Variants in GRK4 observed in about 807,000 individuals in gnomAD.
GRK4 encodes the protein G protein-coupled receptor kinase 4, also known as G protein-coupled receptor kinase 2-like.
GRK4 carries 73 observed loss-of-function variants against 77.9 expected under a neutral mutation model. The ratio of observed to expected loss-of-function variants is 0.94; its 90% confidence interval spans 0.78 to 1.14. The LOEUF is 1.14. Ranked by LOEUF, GRK4 falls within the 50% of genes most tolerant of loss-of-function variation. The pLI is 0.00. For missense variants in GRK4, 729 were observed against 700.2 expected (o/e 1.04, Z -0.46); for synonymous variants, 257 against 254.4 (o/e 1.01, Z -0.10).
chr4:2,970,656 CAA>C (rs929303208), intron 1 of GRK4, among the ~76,000 whole-genome samples: 28 of 120,064 alleles, frequency 2.3e-4, no homozygotes, highest in African/African-American at 4.9e-4. Context: ...GACTCCATCT[CAA>C]AAAAAAAAAA....
chr4:3,020,396 TAAG>T (rs889810043), intron 9 of GRK4, among the ~76,000 whole-genome samples: 1 of 152,202 alleles, frequency 6.6e-6, no homozygotes, highest in African/African-American at 2.4e-5. Context: ...CATGTAAGCA[TAAG>T]AAGAGCCCAT....
At chr4:3,037,275 G>A in intron 13 of GRK4, 99 bp from the exon 14 acceptor site, 1 of 1,213,312 alleles carries the variant, frequency 8.2e-7, no homozygotes, top group African/African-American at 1.5e-5. Flanking sequence ...GAGTGGCGGT[G>A]TTTATGCGTC....
At chr4:3,001,779 T>C (rs1035356898) in intron 4 of GRK4, among the ~76,000 whole-genome samples, 1 of 152,266 alleles carries the variant, frequency 6.6e-6, no homozygotes, top group African/African-American at 2.4e-5. Context: ...GTTTTCTTAT[T>C]GTTTACTATC....
intron 7 of GRK4, among the ~76,000 whole-genome samples, chr4:3,013,038 G>T (rs1733353507): frequency 6.6e-6 from 1 of 151,314 alleles, no homozygotes; most frequent in East Asian, 2.0e-4. Flanking sequence ...CCAGCTACTT[G>T]GGAGGCTGAG....
chr4:2,988,718 T>G lies in GRK4; in HGVS notation c.149-9T>G, dbSNP rs763232692. ...ATTTGTTTGCTTCTTATCCCTTTGC[T>G]TCACCCAGAAAAGGATTATAGCAGT... On this transcript the variant is annotated splice_polypyrimidine_tract_variant and intron_variant, in intron 2 of 15. Coordinates refer to ENST00000398052, the MANE Select transcript of GRK4 (RefSeq NM_182982.3). The G allele has an allele frequency of 6.6e-7, 1 of 1,511,736 alleles. No homozygotes were observed. The highest frequency in any genetic ancestry group is 1.1e-5 in the South Asian group (1 of 89,400). 93.6% of individuals were successfully genotyped at this position (1,511,736 alleles called of 1,614,324 possible).
chr4:3,025,573 T>C (rs1227808014), intron 10 of GRK4, among the ~76,000 whole-genome samples: 2 of 151,566 alleles, frequency 1.3e-5, no homozygotes, highest in Non-Finnish European at 2.9e-5. Flanking sequence ...ATATTTTTTT[T>C]AGTAGAGACG....
chr4:3,033,421 A>G lies in GRK4; in HGVS notation c.1270-1965A>G, dbSNP rs374964143. ...ACTATTGCATTGGGGATTAAGTTTC[A>G]GCTTACAGATTTGTGGGGGATACAC... On this transcript the variant is annotated intron_variant, in intron 12 of 15. Coordinates refer to ENST00000398052, the MANE Select transcript of GRK4 (RefSeq NM_182982.3). 2.6e-4 allele frequency among the ~76,000 whole-genome samples: 40 copies of G among 152,212 alleles called. No homozygotes were observed. The East Asian group carries it at 6.4e-3, about 24-fold the overall frequency.
intron 12 of GRK4, among the ~76,000 whole-genome samples, chr4:3,034,487 G>C (rs6812304): frequency 0.046 from 6,970 of 152,246 alleles, 260 homozygotes; most frequent in African/African-American, 0.092. Context: ...CTGGACTGTG[G>C]TTTCCCAAGC....
intron 1 of GRK4, among the ~76,000 whole-genome samples, chr4:2,979,724 C>A (rs970509035): frequency 7.2e-5 from 11 of 151,922 alleles, no homozygotes; most frequent in Non-Finnish European, 1.3e-4. Context: ...CCTACCCCCC[C>A]AAAAAAAATC....
intron 4 of GRK4, among the ~76,000 whole-genome samples, chr4:2,997,023 AG>A: frequency 6.6e-6 from 1 of 152,168 alleles, no homozygotes; most frequent in Non-Finnish European, 1.5e-5. Flanking sequence ...AGTTGAAAAA[AG>A]AGAACTCCTT....
intron 1 of GRK4, among the ~76,000 whole-genome samples, chr4:2,983,391 G>A (rs1723385826): frequency 1.3e-5 from 2 of 152,216 alleles, no homozygotes; most frequent in Admixed American, 1.3e-4. Context: ...TGCCCAGAAG[G>A]CTTGAGATTG....
intron 14 of GRK4, among the ~76,000 whole-genome samples, chr4:3,037,743 T>C (rs2071688): frequency 0.65 from 99,014 of 151,722 alleles, 33,169 homozygotes; most frequent in African/African-American, 0.8. Flanking sequence ...AGTGAAACCC[T>C]GTCTCTACTA....
chr4:2,991,746 A>C (rs1726245003), intron 3 of GRK4, among the ~76,000 whole-genome samples: 1 of 152,186 alleles, frequency 6.6e-6, no homozygotes, highest in Admixed American at 6.5e-5. Flanking sequence ...TCCCAGCCTC[A>C]GATGATCTGC....
chr4:3,029,584 A>T (rs1307730672), intron 12 of GRK4, among the ~76,000 whole-genome samples, 175 bp downstream of exon 12: 1 of 152,114 alleles, frequency 6.6e-6, no homozygotes, highest in Non-Finnish European at 1.5e-5. Context: ...CGTGTTCAGG[A>T]GGCTCGGGTC....
chr4:3,039,698 T>TTAA (rs546497545), intron 15 of GRK4, among the ~76,000 whole-genome samples: 1 of 115,220 alleles, frequency 8.7e-6, no homozygotes, highest in Non-Finnish European at 1.7e-5. Context: ...AACTCTGTCT[T>TTAA]AAAAAAAAAA....
chr4:2,988,921 C>T (rs1257499138), intron 3 of GRK4, 82 bp downstream of exon 3: 11 of 841,806 alleles, frequency 1.3e-5, no homozygotes, highest in East Asian at 4.9e-5. Flanking sequence ...CGCAGTAGCT[C>T]ATGCTGTAAT....
At position 3,040,638 on chromosome 4, in the gene GRK4, G is replaced by A. The variant is rs867818611; in HGVS notation, c.*13G>A. On this transcript the variant is annotated 3_prime_UTR_variant, in exon 16 of 16. Transcript: ENST00000398052. ...CAAGCAATGCTGAGCACCCCGGTGC[G>A]GACCACAGAGCAGACCCTGGCGCCA... 11 of 1,607,834 alleles carry A rather than the reference G, an allele frequency of 6.8e-6. No individual in the cohort carries two copies. The highest frequency in any genetic ancestry group is 1.7e-4 in the Middle Eastern group (1 of 6,048).
chr4:3,029,433 G>A, intron 12 of GRK4, 24 bp downstream of exon 12: 1 of 1,583,472 alleles, frequency 6.3e-7, no homozygotes, highest in African/African-American at 1.3e-5. Flanking sequence ...TGTAGAGGCT[G>A]GGAAATGGCA....
intron 1 of GRK4, 104 bp downstream of exon 1, chr4:2,964,226 T>G (rs2109337532): frequency 1.1e-6 from 1 of 946,736 alleles, no homozygotes; most frequent in Non-Finnish European, 1.6e-6. Context: ...GAACCCCGAT[T>G]TCCCTGGAGA....
Sources: allele counts gnomAD v4.1 joint callset (sites outside exome capture counted in the v4.1 genomes callset), GRCh38; gene constraint gnomAD v4.1.1; transcripts MANE v1.5; gene names NCBI Gene and HGNC (gene_info 2026-07-23, HGNC 2026-07-21).